Variants in ADCY2 observed in about 807,000 individuals in gnomAD.
ADCY2 encodes the protein adenylate cyclase 2.
In ADCY2, 31 loss-of-function variants were observed where a neutral mutation model predicts 125.2. That is an observed-to-expected ratio of 0.25 (90% CI 0.19 to 0.33). The LOEUF is 0.33. Ranked by LOEUF, ADCY2 falls within the 10% of genes least tolerant of loss-of-function variation. ADCY2 has a pLI of 1.00. For synonymous variants in ADCY2, 512 were observed against 548.4 expected (o/e 0.93, Z 0.93); for missense variants, 904 against 1,418.2 (o/e 0.64, Z 5.82).
In ADCY2 at chr5:7,396,686, G is replaced by A. The variant is rs998374835; in HGVS notation, c.210+180G>A. Among the ~76,000 whole-genome samples, 16 of 149,818 alleles carry A rather than the reference G, an allele frequency of 1.1e-4. No individual in the cohort carries two copies. The highest frequency in any genetic ancestry group is 4.0e-4 in the African/African-American group (16 of 40,270). On this transcript the variant is annotated intron_variant, in intron 1 of 24. Transcript: ENST00000338316. This position sits in a 1 kb window ranked among gnomAD's most constrained non-coding sequence, Gnocchi z 5.7. The stretch of plus-strand genomic sequence containing the variant: ...GCTGGCCCGCGGCCCGGTGGACTCT[G>A]GCAAGGGCTGCGGGCGGGAGAAAAG...
chr5:7,465,151 T>TG (rs1405594855), intron 2 of ADCY2, among the ~76,000 whole-genome samples: 1 of 152,204 alleles, frequency 6.6e-6, no homozygotes, highest in Non-Finnish European at 1.5e-5. Flanking sequence ...GTGGGAATTA[T>TG]GGGAGCTACA....
intron 4 of ADCY2, among the ~76,000 whole-genome samples, chr5:7,666,857 G>A (rs1161149813): frequency 6.6e-6 from 1 of 152,144 alleles, no homozygotes; most frequent in Non-Finnish European, 1.5e-5. Context: ...CCCTCCGTGT[G>A]CTTGCGTTTT....
chr5:7,588,038 C>A (rs1208583651), intron 3 of ADCY2, among the ~76,000 whole-genome samples: 2 of 152,078 alleles, frequency 1.3e-5, no homozygotes, highest in Non-Finnish European at 2.9e-5. Context: ...CTATTACAAT[C>A]CCTGTTATTG....
chr5:7,431,604 T>G (rs1014708052), intron 2 of ADCY2, among the ~76,000 whole-genome samples: 2 of 151,822 alleles, frequency 1.3e-5, no homozygotes, highest in African/African-American at 4.8e-5. Flanking sequence ...CTGTTACCAT[T>G]CAAGGGCATT....
At chr5:7,564,525 C>T (rs1561097276) in intron 3 of ADCY2, among the ~76,000 whole-genome samples, 1 of 152,130 alleles carries the variant, frequency 6.6e-6, no homozygotes, top group Admixed American at 6.6e-5. Flanking sequence ...TTCAAGGCCA[C>T]CCAGCTGGCG....
chr5:7,519,771 A>C (rs1744376059), intron 2 of ADCY2, among the ~76,000 whole-genome samples: 1 of 152,170 alleles, frequency 6.6e-6, no homozygotes, highest in Non-Finnish European at 1.5e-5. Flanking sequence ...TCATCCCCGA[A>C]GGAAACCGTG....
chr5:7,494,182 A>T (rs1490420689), intron 2 of ADCY2, among the ~76,000 whole-genome samples: 4 of 151,924 alleles, frequency 2.6e-5, no homozygotes, highest in African/African-American at 7.3e-5. Flanking sequence ...CATTCGGTCC[A>T]CCCATCCAGG....
chr5:7,682,897 T>G (rs1433091570), intron 4 of ADCY2, among the ~76,000 whole-genome samples: 1 of 152,252 alleles, frequency 6.6e-6, no homozygotes, highest in Non-Finnish European at 1.5e-5. Context: ...GAGTGAATTA[T>G]CATGACTCCA....
Position 7,748,519 on chromosome 5 carries a change from AACAC to A in ADCY2, c.1956+4809_1956+4812del, listed in dbSNP as rs35989915. On this transcript the variant is annotated intron_variant, in intron 15 of 24. Transcript: ENST00000338316. ...AAATAAACATTTCCCCCCACCCTCC[AACAC>A]ACACACACACACACACACACACACA... Among the ~76,000 whole-genome samples, 530 of 90,192 alleles carry A rather than the reference AACAC, an allele frequency of 5.9e-3. 2 individuals carry two copies. Among genetic ancestry groups the A allele is most frequent in the African/African-American group, 0.019 (496 of 26,030 alleles). 59.2% of individuals were successfully genotyped at this position (90,192 alleles called of 152,430 possible). A position where few individuals can be genotyped will look rare whatever the true frequency, so the allele number is the denominator to read the frequency against.
intron 3 of ADCY2, among the ~76,000 whole-genome samples, chr5:7,566,102 G>T (rs960729279): frequency 2.0e-5 from 3 of 152,180 alleles, no homozygotes; most frequent in African/African-American, 7.2e-5. Flanking sequence ...AAGAACTTGG[G>T]TTCAGCAAGG....
rs548996735 is a variant in ADCY2 at position 7,453,026 on chromosome 5, A to G, written c.408+38256A>G. ...CCTTTGTTGGATGCAGAGTTTGCAA[A>G]TATATTCTCCCATTCTGTGGGTTGC... On this transcript the variant is annotated intron_variant, in intron 2 of 24. Transcript: ENST00000338316. 6.6e-5 allele frequency among the ~76,000 whole-genome samples: 10 copies of G among 152,294 alleles called. No individual in the cohort carries two copies. In the South Asian group the frequency reaches 2.1e-3, roughly 32 times the overall value.
At chr5:7,576,614 C>A (rs1736262008) in intron 3 of ADCY2, among the ~76,000 whole-genome samples, 1 of 152,152 alleles carries the variant, frequency 6.6e-6, no homozygotes, top group Non-Finnish European at 1.5e-5. Flanking sequence ...CTAGACAAGG[C>A]AATATTATTC....
chr5:7,450,577 A>G (rs966869713), intron 2 of ADCY2, among the ~76,000 whole-genome samples: 1 of 152,210 alleles, frequency 6.6e-6, no homozygotes, highest in Non-Finnish European at 1.5e-5. Flanking sequence ...TATCTGAATG[A>G]TCTAGCTAAG....
At chr5:7,722,387 A>G (rs1741789146) in intron 12 of ADCY2, among the ~76,000 whole-genome samples, 2 of 152,252 alleles carry the variant, frequency 1.3e-5, no homozygotes, top group South Asian at 4.1e-4. Flanking sequence ...TTTATAAACT[A>G]TATTTTTTTC....
chr5:7,409,528 A>G (rs1739632922), intron 1 of ADCY2, among the ~76,000 whole-genome samples: 2 of 152,236 alleles, frequency 1.3e-5, no homozygotes. Context: ...TGCTGTAATC[A>G]AAGAACATGG....
At chr5:7,601,595 T>C (rs576368290) in intron 3 of ADCY2, among the ~76,000 whole-genome samples, 1 of 152,314 alleles carries the variant, frequency 6.6e-6, no homozygotes, top group African/African-American at 2.4e-5. Context: ...TTAAACAATA[T>C]GGCCTTCTGC....
At chr5:7,515,948 T>G (rs1281113153) in intron 2 of ADCY2, among the ~76,000 whole-genome samples, 1 of 152,104 alleles carries the variant, frequency 6.6e-6, no homozygotes, top group East Asian at 1.9e-4. Context: ...GTTTTCCATT[T>G]TGTGCAGGTG....
At chr5:7,571,369 A>G (rs1351217924) in intron 3 of ADCY2, among the ~76,000 whole-genome samples, 4 of 152,158 alleles carry the variant, frequency 2.6e-5, no homozygotes, top group Non-Finnish European at 4.4e-5. Context: ...ACGACTGGAG[A>G]AGATGGACAT....
At chr5:7,719,297 T>C (rs548934553) in intron 12 of ADCY2, among the ~76,000 whole-genome samples, 17 of 152,356 alleles carry the variant, frequency 1.1e-4, no homozygotes, top group African/African-American at 4.1e-4. Flanking sequence ...TGTTGTAATT[T>C]TCCCAACATG....
Sources: gnomAD v4.1 joint callset for allele counts (sites outside exome capture counted in the v4.1 genomes callset) on GRCh38, gnomAD v4.1.1 for gene constraint, Gnocchi (gnomAD v3.1) non-coding constraint, MANE v1.5 for transcripts, NCBI Gene and HGNC (gene_info 2026-07-23, HGNC 2026-07-21) for gene names.